The following FHIP2A variants were observed in gnomAD, a reference collection of about 807,000 sequenced individuals.
The protein encoded by FHIP2A is FHF complex subunit HOOK interacting protein 2A, also known as family with sequence similarity 160 member B1.
Under a neutral mutation model 93.5 loss-of-function variants are expected in FHIP2A, and 46 were observed. The ratio of observed to expected loss-of-function variants is 0.49; its 90% confidence interval spans 0.39 to 0.63. The LOEUF is 0.63. Ranked by LOEUF, FHIP2A falls within the 20% of genes least tolerant of loss-of-function variation. FHIP2A has a pLI of 0.00. For missense variants in FHIP2A, 769 were observed against 909.7 expected, an observed-to-expected ratio of 0.85 and a Z score of 1.99; for synonymous variants, 332 against 326.5, an observed-to-expected ratio of 1.02 and a Z score of -0.18.
At chr10:114,844,321 C>G (rs1223786361) in intron 7 of FHIP2A, among the ~76,000 whole-genome samples, 1 of 152,136 alleles carries the variant, frequency 6.6e-6, no homozygotes, top group South Asian at 2.1e-4. Context: ...TCTCTTCTAC[C>G]TCATTCTTTC....
chr10:114,891,828 C>A (rs984282565), intron 16 of FHIP2A, among the ~76,000 whole-genome samples: 1 of 152,028 alleles, frequency 6.6e-6, no homozygotes, highest in African/African-American at 2.4e-5. Flanking sequence ...GTTGTTCAGG[C>A]TGGTCTCAAA....
chr10:114,846,344 C>A lies in FHIP2A; in HGVS notation c.1375C>A (p.His459Asn). The part of the protein sequence containing the change: ...RHPLRHRLIE[H>N]CDHISDEISI... ...TCCTTTAAGGCATAGGTTAATTGAA[C>A]ATTGTGATCACATATCTGATGAGGT... Residue 459 changes from histidine (H) to asparagine (N), a missense_variant, in exon 10 of 17, where the codon CAT (histidine) becomes AAT (asparagine). Coordinates refer to ENST00000369248, the MANE Select transcript of FHIP2A (RefSeq NM_020940.4). 1 of 1,613,878 alleles carries A rather than the reference C, an allele frequency of 6.2e-7. No homozygotes were observed. The highest frequency in any genetic ancestry group is 8.5e-7 in the Non-Finnish European group (1 of 1,179,846).
downstream of FHIP2A, among the ~76,000 whole-genome samples, chr10:114,867,839 G>C (rs970466660): frequency 6.6e-6 from 1 of 152,178 alleles, no homozygotes; most frequent in Admixed American, 6.5e-5. Context: ...AAGATCAAGA[G>C]ACTTCTGCTG....
At chr10:114,898,867 C>T (rs1159950689) in intron 16 of FHIP2A, among the ~76,000 whole-genome samples, 1 of 152,172 alleles carries the variant, frequency 6.6e-6, no homozygotes, top group African/African-American at 2.4e-5. Flanking sequence ...TATCATCCTT[C>T]TTTTATTCAT....
rs908957869 is a variant in FHIP2A, at chr10:114,861,616, C to T, written c.*76C>T. 1 of 1,548,710 alleles carries T rather than the reference C, an allele frequency of 6.5e-7. No homozygotes were observed. Among genetic ancestry groups the T allele is most frequent in the Non-Finnish European group, 8.7e-7 (1 of 1,152,364 alleles). On this transcript the variant is annotated 3_prime_UTR_variant, in exon 17 of 17. Transcript: ENST00000369248. ...CAAAAAAGACTCAGTTCCACCCAGC[C>T]ACAAGAGGATAAAAAGCCTTTTTAA...
At chr10:114,885,698 G>A (rs2083939596) in intron 16 of FHIP2A, among the ~76,000 whole-genome samples, 1 of 152,116 alleles carries the variant, frequency 6.6e-6, no homozygotes, top group South Asian at 2.1e-4. Context: ...CAGTTTTATT[G>A]CATTTACGTA....
intron 1 of FHIP2A, among the ~76,000 whole-genome samples, chr10:114,822,487 G>C (rs904711290): frequency 3.3e-5 from 5 of 152,208 alleles, no homozygotes; most frequent in African/African-American, 1.2e-4. Flanking sequence ...GTCGCAGAGA[G>C]CTCCCCCGGG....
rs1169331290 is a variant in FHIP2A, at chr10:114,848,816, A to G, written c.1803+79A>G. On this transcript the variant is annotated intron_variant, in intron 13 of 16. Coordinates refer to ENST00000369248, the MANE Select transcript of FHIP2A (RefSeq NM_020940.4). ...ACCCCTTGTCACACTGCCCACCACCACTGCTCCAAGGAAATGACTTCATTC... is the reference window on the plus strand; with the variant it reads ...ACCCCTTGTCACACTGCCCACCACCGCTGCTCCAAGGAAATGACTTCATTC... 5.6e-6 allele frequency: 5 copies of G among 889,990 alleles called. No homozygotes were observed. The Admixed American group carries it at 1.1e-4, about 19-fold the overall frequency. 55.1% of individuals were successfully genotyped at this position (889,990 alleles called of 1,614,324 possible).
At chr10:114,869,660 C>G (rs2083847472), downstream of FHIP2A, among the ~76,000 whole-genome samples, 1 of 152,166 alleles carries the variant, frequency 6.6e-6, no homozygotes, top group Non-Finnish European at 1.5e-5. Flanking sequence ...GATCCAATGT[C>G]ATGCAGCTTC....
At chr10:114,894,897 T>G (rs1446450520) in intron 16 of FHIP2A, among the ~76,000 whole-genome samples, 2 of 152,220 alleles carry the variant, frequency 1.3e-5, no homozygotes, top group Admixed American at 6.5e-5. Flanking sequence ...AGCTTTGGCT[T>G]CTTCTTTTCT....
intron 1 of FHIP2A, among the ~76,000 whole-genome samples, chr10:114,822,339 G>C (rs1166686659): frequency 1.3e-5 from 2 of 151,608 alleles, no homozygotes; most frequent in Non-Finnish European, 2.9e-5. Flanking sequence ...GTCGGTCCCT[G>C]GCTGCCCCAG....
At chr10:114,827,265 C>T (rs1055709947) in intron 1 of FHIP2A, among the ~76,000 whole-genome samples, 4 of 152,162 alleles carry the variant, frequency 2.6e-5, no homozygotes, top group Admixed American at 2.0e-4. Context: ...TGCAGTATTA[C>T]ACCTGGCACA....
At chr10:114,895,066 G>A (rs1490270610) in intron 16 of FHIP2A, among the ~76,000 whole-genome samples, 1 of 152,154 alleles carries the variant, frequency 6.6e-6, no homozygotes, top group Non-Finnish European at 1.5e-5. Context: ...TTGTGAACAG[G>A]CACAATAGTT....
chr10:114,855,452 TC>T (rs2083761528), intron 14 of FHIP2A, 112 bp downstream of exon 14: 3 of 931,942 alleles, frequency 3.2e-6, no homozygotes, highest in South Asian at 2.0e-5. Flanking sequence ...TCTTACTTTT[TC>T]CACTGGATGA....
intron 16 of FHIP2A, among the ~76,000 whole-genome samples, chr10:114,871,425 G>A (rs12773943): frequency 0.32 from 48,443 of 151,842 alleles, 8,312 homozygotes; most frequent in South Asian, 0.39. Context: ...ACATTTCTAG[G>A]GCCCTGGCCC....
chr10:114,837,849 G>T (rs945121130), intron 5 of FHIP2A, among the ~76,000 whole-genome samples: 1 of 152,186 alleles, frequency 6.6e-6, no homozygotes, highest in African/African-American at 2.4e-5. Context: ...CCATGATTTT[G>T]TTCCTTTATG....
intron 14 of FHIP2A, among the ~76,000 whole-genome samples, chr10:114,860,185 C>T (rs2083789268): frequency 6.6e-6 from 1 of 152,070 alleles, no homozygotes; most frequent in African/African-American, 2.4e-5. Context: ...ATAAAATAAA[C>T]ATTCTGACTC....
At chr10:114,855,597 C>T (rs1196319006) in intron 14 of FHIP2A, among the ~76,000 whole-genome samples, 1 of 152,152 alleles carries the variant, frequency 6.6e-6, no homozygotes, top group Non-Finnish European at 1.5e-5. Flanking sequence ...ATATCCTTAA[C>T]ACATTTTGGA....
In FHIP2A at chr10:114,843,800, G is replaced by T; in HGVS notation, c.876G>T (p.Glu292Asp). ...TGATGCTGTTAGTAAGTTTGCCAGA[G>T]CCTGCGGCTGCAAAGTGCCTTACAC... Reference protein sequence around the residue: ...EGLMLLVSLPEPAAAKCLTQS... With the variant: ...EGLMLLVSLPDPAAAKCLTQS... Residue 292 changes from glutamate (E) to aspartate (D), a missense_variant, in exon 7 of 17, where the codon GAG becomes GAT. Transcript: ENST00000369248. The T allele has an allele frequency of 6.3e-7, 1 of 1,594,534 alleles. No individual in the cohort carries two copies. Among genetic ancestry groups the T allele is most frequent in the Non-Finnish European group, 8.5e-7 (1 of 1,174,910 alleles).
Sources: allele counts gnomAD v4.1 joint callset (sites outside exome capture counted in the v4.1 genomes callset), GRCh38; gene constraint gnomAD v4.1.1; transcripts MANE v1.5; gene names NCBI Gene and HGNC (gene_info 2026-07-23, HGNC 2026-07-21).